PLEKHG7: variants seen among roughly 807,000 people sequenced by gnomAD.
PLEKHG7 encodes the protein pleckstrin homology and RhoGEF domain containing G7.
In PLEKHG7, 77 loss-of-function variants were observed where a neutral mutation model predicts 85.2. That is an observed-to-expected ratio of 0.90 (90% CI 0.75 to 1.09). The LOEUF (loss-of-function observed/expected upper bound fraction) is 1.09. Ranked by LOEUF, PLEKHG7 falls within the 50% of genes least tolerant of loss-of-function variation. The probability of loss-of-function intolerance (pLI) is 0.00; values close to 1 mark genes in which losing one functional copy is unlikely to be tolerated. For synonymous variants in PLEKHG7, 301 were observed against 302.4 expected (o/e 1.00, Z 0.05); for missense variants, 777 against 804.3 (o/e 0.97, Z 0.41).
intron 7 of PLEKHG7, among the ~76,000 whole-genome samples, chr12:92,737,908 G>A (rs746395486): frequency 9.9e-5 from 15 of 152,218 alleles, no homozygotes; most frequent in African/African-American, 2.6e-4. Flanking sequence ...GGATGAGATC[G>A]TCTAAGTGAA....
rs17790310 is a variant in PLEKHG7 at position 92,745,572 on chromosome 12, A to G, written c.1232A>G (p.Asp411Gly). ...FYLESLRQRDDFGIYLKWCEQ... is the reference protein window; with the variant it reads ...FYLESLRQRDGFGIYLKWCEQ... The stretch of plus-strand genomic sequence containing the variant: ...CTTGAGAGCCTGAGGCAGAGAGATG[A>G]CTTTGGAATTTATTTAAAAGTAAAG... The change falls in exon 10 of 17, where the codon GAC becomes GGC. Residue 411 changes from aspartate (D) to glycine (G), a missense_variant. This residue lies in a region of PLEKHG7 where 520 missense variants were observed against 544.0 expected (regional missense o/e 0.96). Coordinates refer to ENST00000344636, the MANE Select transcript of PLEKHG7 (RefSeq NM_001377329.1). 0.049 allele frequency: 78,526 copies of G among 1,611,964 alleles called. 2,377 individuals are homozygous for G. Among genetic ancestry groups the G allele is most frequent in the Non-Finnish European group, 0.058 (68,474 of 1,178,140 alleles).
intron 3 of PLEKHG7, among the ~76,000 whole-genome samples, chr12:92,725,433 C>A (rs893980898): frequency 4.6e-5 from 7 of 151,940 alleles, no homozygotes; most frequent in Admixed American, 4.6e-4. Context: ...CTTTAGTGAC[C>A]ATTATAGGAT....
chr12:92,769,473 A>G (rs1873335350), intron 16 of PLEKHG7, among the ~76,000 whole-genome samples: 1 of 152,178 alleles, frequency 6.6e-6, no homozygotes, highest in African/African-American at 2.4e-5. Flanking sequence ...ATATAATAGG[A>G]TATTAGCTTA....
Position 92,745,583 on chromosome 12 carries a change from T to C in PLEKHG7, c.1243T>C (p.Tyr415His), listed in dbSNP as rs756985851. 1.2e-6 allele frequency: 2 copies of C among 1,606,602 alleles called. No homozygotes were observed. Among genetic ancestry groups the C allele is most frequent in the Non-Finnish European group, 8.5e-7 (1 of 1,173,300 alleles). ...GAGGCAGAGAGATGACTTTGGAATT[T>C]ATTTAAAAGTAAAGTATCATTTTCT... is the stretch of plus-strand genomic sequence containing the variant. ...SLRQRDDFGI[Y>H]LKWCEQNEQC... Residue 415 changes from tyrosine (Y) to histidine (H), a missense_variant, in exon 10 of 17, where the codon TAT becomes CAT. Around this residue, in one of 3 missense-constraint regions of PLEKHG7, gnomAD observed 520 missense variants for 544.0 expected, o/e 0.96. Coordinates refer to ENST00000344636, the MANE Select transcript of PLEKHG7 (RefSeq NM_001377329.1).
intron 13 of PLEKHG7, among the ~76,000 whole-genome samples, chr12:92,756,830 A>C (rs1257412473): frequency 6.6e-6 from 1 of 152,202 alleles, no homozygotes; most frequent in East Asian, 1.9e-4. Flanking sequence ...ATAAAAACTC[A>C]TTCTGTATAA....
intron 3 of PLEKHG7, among the ~76,000 whole-genome samples, chr12:92,716,715 C>T (rs548870798): frequency 3.9e-5 from 6 of 152,328 alleles, no homozygotes; most frequent in South Asian, 2.1e-4. Flanking sequence ...TGGGTTTCCC[C>T]GCATCTTATA....
intron 15 of PLEKHG7, 30 bp from the exon 16 acceptor site, chr12:92,768,953 G>C: frequency 2.1e-6 from 3 of 1,422,308 alleles, no homozygotes; most frequent in Non-Finnish European, 2.9e-6. Context: ...AAATGATTTG[G>C]CTTTTTGTCT....
intron 5 of PLEKHG7, among the ~76,000 whole-genome samples, chr12:92,735,391 C>G (rs770147225): frequency 1.3e-5 from 2 of 152,210 alleles, no homozygotes; most frequent in African/African-American, 4.8e-5. Context: ...AACTATGACA[C>G]GGTCTCCTTT....
chr12:92,765,785 C>T (rs1028826652), intron 15 of PLEKHG7, among the ~76,000 whole-genome samples: 2 of 152,148 alleles, frequency 1.3e-5, no homozygotes, highest in Admixed American at 6.5e-5. Context: ...GAGTGAGACC[C>T]TGTCTCTAAA....
chr12:92,749,350 G>A (rs1872624160), intron 10 of PLEKHG7, among the ~76,000 whole-genome samples: 1 of 152,020 alleles, frequency 6.6e-6, no homozygotes, highest in South Asian at 2.1e-4. Context: ...AGAGTGCAGT[G>A]GTACAATCAC....
rs761207483 is a variant in PLEKHG7 at position 92,770,150 on chromosome 12, G to T, written c.2031G>T (p.Lys677Asn). The T allele has an allele frequency of 1.9e-6, 3 of 1,607,984 alleles. No homozygotes were observed. The South Asian group carries it at 3.4e-5, about 18-fold the overall frequency. ...GCTTTACCAAGAGTCAGGAAACCAA[G>T]AAAATATCTTTATTCACATTGCCCG... is the stretch of plus-strand genomic sequence containing the variant. ...ISCFTKSQET[K>N]KISLFTLPAE... The change falls in exon 17 of 17, where the codon AAG becomes AAT. Residue 677 changes from lysine to asparagine, a missense_variant. By Grantham distance (94) the Lys-to-Asn change is moderately conservative (BLOSUM62 0). Around this residue, in one of 3 missense-constraint regions of PLEKHG7, gnomAD observed 520 missense variants for 544.0 expected, o/e 0.96. Transcript: ENST00000344636.
intron 3 of PLEKHG7, among the ~76,000 whole-genome samples, chr12:92,709,769 A>T (rs7310628): frequency 6.6e-6 from 1 of 152,188 alleles, no homozygotes; most frequent in Non-Finnish European, 1.5e-5. Flanking sequence ...CAGGCTGGGC[A>T]CAATGGCTCA....
Position 92,725,548 on chromosome 12 carries a change from G to A in PLEKHG7, c.531-3445G>A, listed in dbSNP as rs75029120. 1.6e-3 allele frequency among the ~76,000 whole-genome samples: 238 copies of A among 152,252 alleles called. 3 individuals are homozygous for A. In the East Asian group the frequency reaches 0.034, roughly 22 times the overall value. On this transcript the variant is annotated intron_variant, in intron 3 of 16. Transcript: ENST00000344636. ...CCTGATCTGGTGGAGACATGGAGGA[G>A]TGCACAAATATGAAGAATTATTTCC...
chr12:92,745,383 C>G, intron 9 of PLEKHG7, 95 bp from the exon 10 acceptor site: 1 of 811,824 alleles, frequency 1.2e-6, no homozygotes, highest in Non-Finnish European at 2.0e-6. Context: ...TTTCCCTGTT[C>G]TAGTTAATGA....
intron 12 of PLEKHG7, 100 bp from the exon 13 acceptor site, chr12:92,756,198 T>C: frequency 1.1e-6 from 1 of 877,836 alleles, no homozygotes; most frequent in East Asian, 2.6e-5. Context: ...TTTCCAAATG[T>C]CATGAACTTT....
chr12:92,755,647 C>G (rs114397926), intron 11 of PLEKHG7, among the ~76,000 whole-genome samples, 178 bp from the exon 12 acceptor site: 6 of 152,100 alleles, frequency 3.9e-5, no homozygotes, highest in African/African-American at 1.4e-4. Flanking sequence ...AGACTGATTC[C>G]AAATTAGTGA....
At chr12:92,759,247 GAAT>G (rs1296409329) in intron 13 of PLEKHG7, among the ~76,000 whole-genome samples, 2 of 152,182 alleles carry the variant, frequency 1.3e-5, no homozygotes, top group Non-Finnish European at 2.9e-5. Flanking sequence ...CCACTTTCTA[GAAT>G]AATGTCTGTA....
At chr12:92,724,232 A>C (rs1031029499) in intron 3 of PLEKHG7, among the ~76,000 whole-genome samples, 1 of 152,214 alleles carries the variant, frequency 6.6e-6, no homozygotes, top group African/African-American at 2.4e-5. Flanking sequence ...TGTCAATCCC[A>C]GTGTCCTGTA....
chr12:92,741,248 A>T (rs557183672), intron 8 of PLEKHG7, among the ~76,000 whole-genome samples: 2 of 152,192 alleles, frequency 1.3e-5, no homozygotes, highest in Non-Finnish European at 2.9e-5. Flanking sequence ...TCTCGCATAC[A>T]TTATAAATAA....
Sources: gnomAD v4.1 joint callset for allele counts (sites outside exome capture counted in the v4.1 genomes callset) on GRCh38, gnomAD v4.1.1 for gene constraint, gnomAD v4.1.1 regional missense constraint, MANE v1.5 for transcripts, NCBI Gene and HGNC (gene_info 2026-07-23, HGNC 2026-07-21) for gene names.